Variants in DHCR24 observed in about 807,000 individuals in gnomAD.
DHCR24 encodes the protein 24-dehydrocholesterol reductase, also known as delta(24)-sterol reductase.
DHCR24 carries 28 observed loss-of-function variants against 61.2 expected under a neutral mutation model. The ratio of observed to expected loss-of-function variants is 0.46; its 90% CI spans 0.34 to 0.63. The LOEUF is 0.63. Ranked by LOEUF, DHCR24 falls within the 20% of genes least tolerant of loss-of-function variation. The pLI, the probability that DHCR24 is intolerant of heterozygous loss-of-function variation, is 0.01. For synonymous variants in DHCR24, 261 were observed against 275.9 expected (o/e 0.95, Z 0.54); for missense variants, 538 against 679.1 (o/e 0.79, Z 2.31).
rs544285864 is a variant in DHCR24 at position 54,886,962 on chromosome 1, C to G, written c.158G>C (p.Arg53Pro). 1 of 1,613,724 alleles carries G rather than the reference C, an allele frequency of 6.2e-7. No homozygotes were observed. The highest frequency in any genetic ancestry group is 1.1e-5 in the South Asian group (1 of 91,068). Residue 53 changes from arginine (R) to proline (P), a missense_variant, in exon 1 of 9, where the codon CGC (arginine) becomes CCC (proline). By Grantham distance (103) the Arg-to-Pro change is moderately radical. Coordinates refer to ENST00000371269, the MANE Select transcript of DHCR24 (RefSeq NM_014762.4). ...SLIFDIYYYV[R>P]AWVVFKLSSA... ...GCTGAGCTTGAACACCACCCAGGCG[C>G]GCACGTAGTAGTAGATATCGAAGAT...
intron 6 of DHCR24, among the ~76,000 whole-genome samples, chr1:54,862,668 C>T (rs1646944907): frequency 6.6e-6 from 1 of 152,180 alleles, no homozygotes; most frequent in African/African-American, 2.4e-5. Context: ...AGGGCTCCAA[C>T]CTCCACTGAA....
At chr1:54,862,222 G>A (rs1026602612) in intron 6 of DHCR24, among the ~76,000 whole-genome samples, 1 of 151,890 alleles carries the variant, frequency 6.6e-6, no homozygotes, top group Non-Finnish European at 1.5e-5. Context: ...CCTTCACCTG[G>A]CCCCACACCC....
intron 5 of DHCR24, among the ~76,000 whole-genome samples, chr1:54,867,586 G>T (rs567126130): frequency 6.6e-6 from 1 of 152,182 alleles, no homozygotes; most frequent in South Asian, 2.1e-4. Flanking sequence ...ATAATCTTAG[G>T]GAGCATCTAA....
rs1485192599 is a variant in DHCR24, at chr1:54,853,602, A to G, written c.1229T>C (p.Ile410Thr). The G allele has an allele frequency of 1.2e-6, 2 of 1,613,740 alleles. No individual in the cohort carries two copies. The highest frequency in any genetic ancestry group is 2.2e-5 in the South Asian group (2 of 90,946). The change falls in exon 8 of 9, where the codon ATC becomes ACC. Residue 410 changes from isoleucine (I) to threonine (T), a missense_variant. Ile to Thr is a moderately conservative substitution (Grantham distance 89). Coordinates refer to ENST00000371269, the MANE Select transcript of DHCR24 (RefSeq NM_014762.4). ...GGGCAGGATGAACGGACACAGCCAG[A>G]TGGGGTAGACCTGGGTAGACCAGGG... ...TFQNDIHVYP[I>T]WLCPFILPSQ...
intron 2 of DHCR24, among the ~76,000 whole-genome samples, chr1:54,881,819 T>G (rs1392397170): frequency 6.6e-6 from 1 of 152,176 alleles, no homozygotes; most frequent in Non-Finnish European, 1.5e-5. Context: ...CATGTTCCTT[T>G]GCAAGAACAT....
At chr1:54,878,214 A>AGATG (rs1647044651) in intron 2 of DHCR24, among the ~76,000 whole-genome samples, 1 of 151,902 alleles carries the variant, frequency 6.6e-6, no homozygotes, top group Non-Finnish European at 1.5e-5. Flanking sequence ...AGAAAAGACA[A>AGATG]CAGGTAATAG....
Position 54,886,981 on chromosome 1 carries a change from C to T in DHCR24, c.139G>A (p.Asp47Asn). The T allele has an allele frequency of 1.2e-6, 2 of 1,613,750 alleles. No individual in the cohort carries two copies. Among genetic ancestry groups the T allele is most frequent in the Middle Eastern group, 3.3e-4 (2 of 6,060 alleles). Residue 47 changes from aspartate to asparagine, a missense_variant, in exon 1 of 9, where the codon GAT becomes AAT. Asp to Asn is a conservative substitution (Grantham distance 23). Coordinates refer to ENST00000371269, the MANE Select transcript of DHCR24 (RefSeq NM_014762.4). ...CAGGCGCGCACGTAGTAGTAGATATCGAAGATAAGCGAGAGCGGCAGGAGG... is the reference window on the plus strand; with the variant it reads ...CAGGCGCGCACGTAGTAGTAGATATTGAAGATAAGCGAGAGCGGCAGGAGG... ...LFLLPLSLIF[D>N]IYYYVRAWVV...
intron 2 of DHCR24, among the ~76,000 whole-genome samples, chr1:54,881,446 T>C (rs955112662): frequency 3.9e-5 from 6 of 152,076 alleles, no homozygotes. Flanking sequence ...TGAAATACCA[T>C]CTGACACAGT....
intron 1 of DHCR24, among the ~76,000 whole-genome samples, chr1:54,884,421 A>G (rs1647081733): frequency 6.6e-6 from 1 of 152,146 alleles, no homozygotes; most frequent in African/African-American, 2.4e-5. Flanking sequence ...CTTTGAGGGG[A>G]AGAGGAGGAG....
intron 2 of DHCR24, among the ~76,000 whole-genome samples, chr1:54,879,827 T>C (rs550251813): frequency 2.2e-4 from 34 of 151,950 alleles, no homozygotes; most frequent in African/African-American, 7.2e-4. Context: ...AGAAAACATA[T>C]AGAAATTTGT....
chr1:54,865,049 T>TC (rs1646960341), intron 6 of DHCR24, among the ~76,000 whole-genome samples: 1 of 152,118 alleles, frequency 6.6e-6, no homozygotes, highest in Admixed American at 6.5e-5. Flanking sequence ...AGGTCTGTGT[T>TC]CCCCAAAGTA....
intron 6 of DHCR24, among the ~76,000 whole-genome samples, chr1:54,858,716 C>T (rs1570182538): frequency 6.6e-6 from 1 of 152,282 alleles, no homozygotes; most frequent in Non-Finnish European, 1.5e-5. Flanking sequence ...CAGCTCACCA[C>T]AACCTCCGCT....
chr1:54,878,514 C>CAAAAAAA (rs56198608), intron 2 of DHCR24, among the ~76,000 whole-genome samples: 4 of 54,328 alleles, frequency 7.4e-5, no homozygotes, highest in East Asian at 7.1e-4. Flanking sequence ...AACTCTGTCT[C>CAAAAAAA]AAAAAAAAAA....
chr1:54,874,941 A>G, intron 4 of DHCR24, 152 bp downstream of exon 4: 1 of 739,994 alleles, frequency 1.4e-6, no homozygotes, highest in South Asian at 1.4e-5. Flanking sequence ...CTAAGCTCAT[A>G]TAAGGGGCTA....
At chr1:54,853,907 GA>G in intron 7 of DHCR24, 129 bp downstream of exon 7, 3 of 961,072 alleles carry the variant, frequency 3.1e-6, no homozygotes, top group Non-Finnish European at 4.8e-6. Flanking sequence ...TAGGGACAAG[GA>G]CCTCATCTTA....
rs776402324 is a variant in DHCR24 at position 54,854,241 on chromosome 1, A to G, written c.1021-7T>C. On this transcript the variant is annotated splice_region_variant and splice_polypyrimidine_tract_variant and intron_variant, in intron 6 of 8. Coordinates refer to ENST00000371269, the MANE Select transcript of DHCR24 (RefSeq NM_014762.4). ...TGCCAAAGGGGATAATGTCCTGGAAAACAAAGATTAGGGTTGGAGAGAAAA... is the reference window on the plus strand; with the variant it reads ...TGCCAAAGGGGATAATGTCCTGGAAGACAAAGATTAGGGTTGGAGAGAAAA... The G allele has an allele frequency of 9.9e-6, 16 of 1,611,532 alleles. No individual in the cohort carries two copies. Among genetic ancestry groups the G allele is most frequent in the Non-Finnish European group, 1.3e-5 (15 of 1,178,858 alleles).
In DHCR24 at chr1:54,865,370, C is replaced by A. The variant is rs1249339627; in HGVS notation, c.953G>T (p.Gly318Val). Residue 318 changes from glycine (G) to valine (V), a missense_variant, in exon 6 of 9, where the codon GGC (glycine) becomes GTC (valine). Transcript: ENST00000371269. ...GTGTCTCAAGGGAATGTACTCCAGG[C>A]CCTCTCGGTTTGTCTTCAGATAGTT... ...VENYLKTNRE[G>V]LEYIPLRHYY... is the part of the protein sequence containing the mutation. The A allele has an allele frequency of 1.2e-6, 2 of 1,614,190 alleles. No individual in the cohort carries two copies. The highest frequency in any genetic ancestry group is 1.7e-6 in the Non-Finnish European group (2 of 1,180,034).
chr1:54,854,189 C>T lies in DHCR24; in HGVS notation c.1066G>A (p.Gly356Ser). ...GAGATCTTGGGAGGCACCATCCAGC[C>T]AAAGAGGTAGCGGAAGATGGGGTTG... ...GNNPIFRYLF[G>S]WMVPPKISLL... The change falls in exon 7 of 9, where the codon GGC becomes AGC. Residue 356 changes from glycine (G) to serine (S), a missense_variant. By Grantham distance (56) the Gly-to-Ser change is moderately conservative. Transcript: ENST00000371269. 6.2e-7 allele frequency: 1 copy of T among 1,614,060 alleles called. No individual in the cohort carries two copies. Among genetic ancestry groups the T allele is most frequent in the East Asian group, 2.2e-5 (1 of 44,880 alleles).
chr1:54,863,345 C>T (rs947333955), intron 6 of DHCR24, among the ~76,000 whole-genome samples: 4 of 152,210 alleles, frequency 2.6e-5, no homozygotes, highest in African/African-American at 9.7e-5. Context: ...CTTTCCTGTT[C>T]AAAGCCCTCA....
Sources: allele counts gnomAD v4.1 joint callset (sites outside exome capture counted in the v4.1 genomes callset), GRCh38; gene constraint gnomAD v4.1.1; transcripts MANE v1.5; gene names NCBI Gene and HGNC (gene_info 2026-07-23, HGNC 2026-07-21).